TLCD1: variants seen among roughly 807,000 people sequenced by gnomAD.
The protein encoded by TLCD1 is TLC domain containing 1, also known as TLC domain-containing protein 1.
In TLCD1, 21 loss-of-function variants were observed where a neutral mutation model predicts 21.2. That is an observed-to-expected ratio of 0.99 (90% confidence interval 0.70 to 1.42). TLCD1 has a LOEUF of 1.42. Among genes scored for constraint, TLCD1 ranks in the 40% most tolerant of loss-of-function variants. The probability of loss-of-function intolerance (pLI) is 0.00; values close to 1 mark genes in which losing one functional copy is unlikely to be tolerated. For missense variants in TLCD1, 344 were observed against 330.3 expected, an observed-to-expected ratio of 1.04 and a Z score of -0.32; for synonymous variants, 168 against 134.8, an observed-to-expected ratio of 1.25 and a Z score of -1.71.
At position 28,724,387 on chromosome 17, in the gene TLCD1, G is replaced by T; in HGVS notation, c.*123C>A. ...TTCATTAGTGTTTTCAATAGTGTGG[G>T]CGCAGGCTCAGAAGGTGGAGAGGCT... is the stretch of plus-strand genomic sequence containing the variant. On this transcript the variant is annotated 3_prime_UTR_variant, in exon 4 of 4. Coordinates refer to ENST00000292090, the MANE Select transcript of TLCD1 (RefSeq NM_138463.4). The T allele has an allele frequency of 8.1e-7, 1 of 1,229,452 alleles. No homozygotes were observed. The highest frequency in any genetic ancestry group is 2.3e-5 in the East Asian group (1 of 42,904). 76.2% of individuals were successfully genotyped at this position (1,229,452 alleles called of 1,614,324 possible).
rs1310815379 is a variant in TLCD1 at position 28,725,925 on chromosome 17, G to T, written c.173C>A (p.Ser58Ter). Residue 58 changes from serine (S) to a stop codon, truncating the protein, a stop_gained, in exon 1 of 4, where the codon TCG (serine) becomes TAG (stop). Transcript: ENST00000292090. LOFTEE classifies it high-confidence loss of function. ...LLVSFAHSIV[S>*]GIWALLCVWQ... ...TCACCACAGCAGTGCCCAGATCCCC[G>T]ACACAATGGAGTGAGCGAAGGAGAC... 1 of 1,613,044 alleles carries T rather than the reference G, an allele frequency of 6.2e-7. No individual in the cohort carries two copies. The highest frequency in any genetic ancestry group is 8.5e-7 in the Non-Finnish European group (1 of 1,179,920).
upstream of TLCD1, among the ~76,000 whole-genome samples, chr17:28,726,504 T>G (rs1041713400): frequency 1.3e-4 from 19 of 151,674 alleles, no homozygotes; most frequent in Non-Finnish European, 2.1e-4. Flanking sequence ...CTGCCCTCGC[T>G]CGCCTGGCCT....
intron 2 of TLCD1, 31 bp downstream of exon 2, chr17:28,725,450 A>G (rs755073356): frequency 2.0e-5 from 32 of 1,614,030 alleles, no homozygotes; most frequent in South Asian, 9.9e-5. Context: ...CCTGTCCCCA[A>G]TTTGCCTCCC....
Position 28,724,368 on chromosome 17 carries a change from A to G in TLCD1, c.*142T>C. 2.8e-6 allele frequency: 3 copies of G among 1,054,252 alleles called. 1 individual carries two copies. The highest frequency in any genetic ancestry group is 4.1e-6 in the Non-Finnish European group (3 of 724,988). 65.3% of individuals were successfully genotyped at this position (1,054,252 alleles called of 1,614,324 possible). A position where few individuals can be genotyped will look rare whatever the true frequency, so the allele number is the denominator to read the frequency against. ...AGGACTTCAGAGGAGTACTTTCATTAGTGTTTTCAATAGTGTGGGCGCAGG... is the reference window on the plus strand; with the variant it reads ...AGGACTTCAGAGGAGTACTTTCATTGGTGTTTTCAATAGTGTGGGCGCAGG... On this transcript the variant is annotated 3_prime_UTR_variant, in exon 4 of 4. Coordinates refer to ENST00000292090, the MANE Select transcript of TLCD1 (RefSeq NM_138463.4).
chr17:28,725,272 G>C (rs766335867), intron 3 of TLCD1, 32 bp downstream of exon 3: 10 of 1,609,350 alleles, frequency 6.2e-6, no homozygotes, highest in Non-Finnish European at 8.5e-6. Context: ...ACTGACACCA[G>C]GCCTATACCA....
In TLCD1 at chr17:28,724,549, G is replaced by A; in HGVS notation, c.705C>T (p.Val235=). The part of the protein sequence containing the change: ...LLRSDFCPEH[V]PKKQHKDKFL... ...ACTTGTCTTTGTGTTGCTTCTTGGG[G>A]ACATGCTCAGGGCAGAAGTCAGAGC... Residue 235 remains valine (V), a synonymous_variant, in exon 4 of 4, where the codon GTC becomes GTT. Coordinates refer to ENST00000292090, the MANE Select transcript of TLCD1 (RefSeq NM_138463.4). 1 of 1,614,112 alleles carries A rather than the reference G, an allele frequency of 6.2e-7. No individual in the cohort carries two copies. Among genetic ancestry groups the A allele is most frequent in the Non-Finnish European group, 8.5e-7 (1 of 1,180,014 alleles).
rs1212448585 is a variant in TLCD1, at chr17:28,725,992, G to T, written c.106C>A (p.Arg36Ser). ...LCRLPLPVHVRADPLRTWRWH... is the reference protein window; with the variant it reads ...LCRLPLPVHVSADPLRTWRWH... ...CGCCAGGTGCGCAGGGGGTCGGCGC[G>T]CACGTGCACGGGTAGGGGCAGGCGA... Residue 36 changes from arginine (R) to serine (S), a missense_variant, in exon 1 of 4, where the codon CGC (arginine) becomes AGC (serine). Transcript: ENST00000292090. The T allele has an allele frequency of 4.3e-6, 7 of 1,611,410 alleles. No homozygotes were observed. Among genetic ancestry groups the T allele is most frequent in the Non-Finnish European group, 5.9e-6 (7 of 1,179,356 alleles).
upstream of TLCD1, chr17:28,726,655 TG>T: frequency 1.7e-6 from 2 of 1,166,604 alleles, no homozygotes; most frequent in Non-Finnish European, 2.5e-6. Flanking sequence ...GTCCTGGTCC[TG>T]GGGTGGGCTC....
Position 28,725,559 on chromosome 17 carries a change from A to G in TLCD1, c.199T>C (p.Trp67Arg), listed in dbSNP as rs1255374418. 5 of 1,614,000 alleles carry G rather than the reference A, an allele frequency of 3.1e-6. No individual in the cohort carries two copies. Among genetic ancestry groups the G allele is most frequent in the Non-Finnish European group, 4.2e-6 (5 of 1,180,000 alleles). Residue 67 changes from tryptophan (W) to arginine (R), a missense_variant, in exon 2 of 4, where the codon TGG becomes CGG. Trp to Arg is a moderately radical substitution (Grantham distance 101). Coordinates refer to ENST00000292090, the MANE Select transcript of TLCD1 (RefSeq NM_138463.4). ...VSGIWALLCVWQTPDMLVEIE... is the reference protein window; with the variant it reads ...VSGIWALLCVRQTPDMLVEIE... ...TCCACTAACATGTCAGGAGTCTGCCATACACTGGAAAGGAGGGAAGAGGAG... is the reference window on the plus strand; with the variant it reads ...TCCACTAACATGTCAGGAGTCTGCCGTACACTGGAAAGGAGGGAAGAGGAG...
rs750348238 is a variant in TLCD1, at chr17:28,725,923, CCGA to C, written c.172_174del (p.Ser58del). 3.7e-6 allele frequency: 6 copies of C among 1,613,122 alleles called. No homozygotes were observed. The African/African-American group carries it at 8.0e-5, about 22-fold the overall frequency. On this transcript the variant is annotated inframe_deletion, in exon 1 of 4. Coordinates refer to ENST00000292090, the MANE Select transcript of TLCD1 (RefSeq NM_138463.4). ...ACTCACCACAGCAGTGCCCAGATCC[CCGA>C]CACAATGGAGTGAGCGAAGGAGACG...
rs539106804 is a variant in TLCD1, at chr17:28,724,848, C to T, written c.406G>A (p.Gly136Ser). 27 of 1,613,918 alleles carry T rather than the reference C, an allele frequency of 1.7e-5. No individual in the cohort carries two copies. In the East Asian group the frequency reaches 3.6e-4, roughly 21 times the overall value. ...ACCAGTAGTGTTAAGACACCCCCAC[C>T]GACAAAGCTGCTCCAAAAGATGCCG... Reference protein sequence around the residue: ...FSGIFWSSFVGGGVLTLLVEV... With the variant: ...FSGIFWSSFVSGGVLTLLVEV... The change falls in exon 4 of 4, where the codon GGT (glycine) becomes AGT (serine). Residue 136 changes from glycine to serine, a missense_variant. Coordinates refer to ENST00000292090, the MANE Select transcript of TLCD1 (RefSeq NM_138463.4).
upstream of TLCD1, chr17:28,726,774 C>A (rs966642399): frequency 7.9e-5 from 123 of 1,549,170 alleles, no homozygotes; most frequent in Admixed American, 9.8e-5. Flanking sequence ...CCCGCGCCCG[C>A]GAGGTGGGCA....
upstream of TLCD1, chr17:28,727,512 G>A (rs2034250686): frequency 6.6e-6 from 1 of 152,480 alleles, no homozygotes; most frequent in African/African-American, 2.4e-5. Flanking sequence ...GCCAGGACAG[G>A]GGCAGAAGAT....
upstream of TLCD1, chr17:28,726,830 C>T (rs1408556750): frequency 6.5e-7 from 1 of 1,546,868 alleles, no homozygotes; most frequent in Admixed American, 2.0e-5. Flanking sequence ...CCCGCCGGCT[C>T]TTAAACTCCT....
At chr17:28,726,717 G>A, upstream of TLCD1, 1 of 1,542,156 alleles carries the variant, frequency 6.5e-7, no homozygotes, top group Non-Finnish European at 8.8e-7. Flanking sequence ...TGCCCCTACC[G>A]CACCACTCGC....
In TLCD1 at chr17:28,726,158, A is replaced by T. The variant is rs114349053; in HGVS notation, c.-61T>A. Reference sequence around the variant, plus strand: ...TCCTAGGTCTGTTCTGGGAACCGGGATCCCTCTCGGGCCAGTCCAGGCCGG... The same window carrying T: ...TCCTAGGTCTGTTCTGGGAACCGGGTTCCCTCTCGGGCCAGTCCAGGCCGG... On this transcript the variant is annotated 5_prime_UTR_variant, in exon 1 of 4. Coordinates refer to ENST00000292090, the MANE Select transcript of TLCD1 (RefSeq NM_138463.4). 3.6e-6 allele frequency: 5 copies of T among 1,399,238 alleles called. No individual in the cohort carries two copies. The South Asian group carries it at 6.3e-5, about 18-fold the overall frequency. The allele number at this position is 1,399,238 out of a possible 1,614,324, so 86.7% of individuals were successfully genotyped here.
In TLCD1 at chr17:28,724,388, C is replaced by T. The variant is rs777627674; in HGVS notation, c.*122G>A. ...TCATTAGTGTTTTCAATAGTGTGGGCGCAGGCTCAGAAGGTGGAGAGGCTG... is the reference window on the plus strand; with the variant it reads ...TCATTAGTGTTTTCAATAGTGTGGGTGCAGGCTCAGAAGGTGGAGAGGCTG... On this transcript the variant is annotated 3_prime_UTR_variant, in exon 4 of 4. Coordinates refer to ENST00000292090, the MANE Select transcript of TLCD1 (RefSeq NM_138463.4). The T allele has an allele frequency of 2.1e-5, 26 of 1,239,342 alleles. 2 individuals carry two copies. The South Asian group carries it at 2.1e-4, about 10-fold the overall frequency. 76.8% of individuals were successfully genotyped at this position (1,239,342 alleles called of 1,614,324 possible).
rs747069768 is a variant in TLCD1 at position 28,724,835 on chromosome 17, A to T, written c.419T>A (p.Leu140Ter). 19 of 1,614,034 alleles carry T rather than the reference A, an allele frequency of 1.2e-5. No individual in the cohort carries two copies. The highest frequency in any genetic ancestry group is 1.6e-5 in the Non-Finnish European group (19 of 1,180,018). The change falls in exon 4 of 4, where the codon TTA becomes TAA. Residue 140 changes from leucine to a stop codon, truncating the protein, a stop_gained. Transcript: ENST00000292090. LOFTEE classifies it high-confidence loss of function. ...FWSSFVGGGV[L>*]TLLVEVSNIF... ...GTTGCTGACTTCCACCAGTAGTGTT[A>T]AGACACCCCCACCGACAAAGCTGCT... is the stretch of plus-strand genomic sequence containing the variant.
At position 28,726,056 on chromosome 17, in the gene TLCD1, G is replaced by A; in HGVS notation, c.42C>T (p.Gly14=). 1 of 1,544,646 alleles carries A rather than the reference G, an allele frequency of 6.5e-7. No homozygotes were observed. The highest frequency in any genetic ancestry group is 1.2e-5 in the South Asian group (1 of 82,598). Residue 14 remains glycine (G), a synonymous_variant, in exon 1 of 4, where the codon GGC becomes GGT. Transcript: ENST00000292090. Reference sequence around the variant, plus strand: ...GGAGCGCCCGGAAGGTCAGCGTGGCGCCCAGGAGCAGCGGCAGGGCGGGGT... The same window carrying A: ...GGAGCGCCCGGAAGGTCAGCGTGGCACCCAGGAGCAGCGGCAGGGCGGGGT... ...LLHPALPLLL[G]ATLTFRALRR...
Sources: gnomAD v4.1 joint callset for allele counts (sites outside exome capture counted in the v4.1 genomes callset) on GRCh38, gnomAD v4.1.1 for gene constraint, MANE v1.5 for transcripts, NCBI Gene and HGNC (gene_info 2026-07-23, HGNC 2026-07-21) for gene names.